WBP4: variants seen among roughly 807,000 people sequenced by gnomAD.
The protein encoded by WBP4 is WW domain-binding protein 4.
WBP4 carries 37 observed loss-of-function variants against 55.4 expected under a neutral mutation model. That is an observed-to-expected ratio of 0.67 (90% confidence interval 0.51 to 0.88). The LOEUF (loss-of-function observed/expected upper bound fraction) is 0.88. Ranked by LOEUF, WBP4 falls within the 40% of genes least tolerant of loss-of-function variation. The pLI, the probability that WBP4 is intolerant of heterozygous loss-of-function variation, is 0.00. For missense variants in WBP4, 398 were observed against 420.8 expected, an observed-to-expected ratio of 0.95 and a Z score of 0.47; for synonymous variants, 142 against 140.2, an observed-to-expected ratio of 1.01 and a Z score of -0.09.
In WBP4 at chr13:41,061,539, G is replaced by A. The variant is rs1227196185; in HGVS notation, c.-135G>A. 3 of 1,402,464 alleles carry A rather than the reference G, an allele frequency of 2.1e-6. No homozygotes were observed. The highest frequency in any genetic ancestry group is 3.0e-6 in the Non-Finnish European group (3 of 1,006,874). The allele number at this position is 1,402,464 out of a possible 1,614,324, so 86.9% of individuals were successfully genotyped here. On this transcript the variant is annotated 5_prime_UTR_variant, in exon 1 of 10. Coordinates refer to ENST00000379487, the MANE Select transcript of WBP4 (RefSeq NM_007187.5). ...TGGGAACAGCGGAACGCTGGTCCCG[G>A]GGACTGAGTAAGGTGTCTGGATCGG...
In WBP4 at chr13:41,079,754, C is replaced by A. The variant is rs184961682; in HGVS notation, c.757-892C>A. Among the ~76,000 whole-genome samples the A allele has an allele frequency of 3.9e-5, 6 of 152,236 alleles. No homozygotes were observed. In the East Asian group the frequency reaches 1.2e-3, roughly 29 times the overall value. On this transcript the variant is annotated intron_variant, in intron 8 of 9. Transcript: ENST00000379487. ...AAGAAATCATTAAACAGAAAAGATA[C>A]TTGCACTCATATATTTGTAGCAGCA... is the stretch of plus-strand genomic sequence containing the variant.
chr13:41,069,438 A>G (rs559497944), intron 5 of WBP4, among the ~76,000 whole-genome samples: 1 of 152,200 alleles, frequency 6.6e-6, no homozygotes, highest in East Asian at 1.9e-4. Context: ...TGAGATGGGC[A>G]GATCACAAGG....
rs750056162 is a variant in WBP4 at position 41,080,667 on chromosome 13, G to A, written c.778G>A (p.Gly260Arg). ...KFKEKNKNSD[G>R]GSDPETQKEK... ...TCAGGAAAAAAATAAAAATAGTGAT[G>A]GAGGAAGTGACCCAGAAACACAGAA... The change falls in exon 9 of 10, where the codon GGA becomes AGA. Residue 260 changes from glycine to arginine, a missense_variant. Transcript: ENST00000379487. 4 of 1,589,838 alleles carry A rather than the reference G, an allele frequency of 2.5e-6. No individual in the cohort carries two copies. Among genetic ancestry groups the A allele is most frequent in the South Asian group, 1.2e-5 (1 of 85,540 alleles).
chr13:41,062,234 T>A, intron 1 of WBP4: 1 of 982,932 alleles, frequency 1.0e-6, no homozygotes, highest in East Asian at 1.2e-4. Context: ...TTCCCCAGAG[T>A]AGTCTTGTAC....
chr13:41,062,107 T>TG (rs1247219291), intron 1 of WBP4: 190 of 960,240 alleles, frequency 2.0e-4, no homozygotes, highest in African/African-American at 1.4e-3. Context: ...TTTTTTTTTT[T>TG]TTTTTTTTTT....
At chr13:41,064,032 A>G (rs1877829338) in intron 2 of WBP4, among the ~76,000 whole-genome samples, 1 of 150,526 alleles carries the variant, frequency 6.6e-6, no homozygotes, top group Admixed American at 6.7e-5. Context: ...CCCTGTCCCC[A>G]GTCATCTAGT....
rs114269821 is a variant in WBP4, at chr13:41,064,973, T to A, written c.76-43T>A. On this transcript the variant is annotated intron_variant, in intron 2 of 9. Coordinates refer to ENST00000379487, the MANE Select transcript of WBP4 (RefSeq NM_007187.5). Reference sequence around the variant, plus strand: ...TATGTTTACTATGAATTTTATGATGTTTATGTAGTTTTCTTTTGTTATTTT... The same window carrying A: ...TATGTTTACTATGAATTTTATGATGATTATGTAGTTTTCTTTTGTTATTTT... 416 of 1,490,240 alleles carry A rather than the reference T, an allele frequency of 2.8e-4. 3 individuals are homozygous for A. The African/African-American group carries it at 5.5e-3, about 20-fold the overall frequency. The allele number at this position is 1,490,240 out of a possible 1,614,324, so 92.3% of individuals were successfully genotyped here. A position where few individuals can be genotyped will look rare whatever the true frequency, so the allele number is the denominator to read the frequency against.
intron 2 of WBP4, 42 bp downstream of exon 2, chr13:41,062,758 TTGAA>T (rs745817136): frequency 1.3e-6 from 2 of 1,547,528 alleles, no homozygotes; most frequent in African/African-American, 1.4e-5. Flanking sequence ...AATAATTGTG[TTGAA>T]TGAAGTGCTC....
At chr13:41,063,281 C>T (rs1327608387) in intron 2 of WBP4, among the ~76,000 whole-genome samples, 2 of 152,090 alleles carry the variant, frequency 1.3e-5, no homozygotes, top group African/African-American at 4.8e-5. Flanking sequence ...ATTTTTCTCC[C>T]CTCTTGCATG....
At chr13:41,075,143 C>T (rs1878423465) in intron 7 of WBP4, among the ~76,000 whole-genome samples, 1 of 152,080 alleles carries the variant, frequency 6.6e-6, no homozygotes, top group South Asian at 2.1e-4. Flanking sequence ...TAATTACTAA[C>T]GGCAGCCCCT....
chr13:41,065,113 G>T, intron 3 of WBP4, 35 bp downstream of exon 3: 1 of 1,600,750 alleles, frequency 6.2e-7, no homozygotes, highest in South Asian at 1.1e-5. Flanking sequence ...ATTTTTCTAT[G>T]CAAATGTCAG....
chr13:41,061,740 G>A (rs1158244486), intron 1 of WBP4, 65 bp downstream of exon 1: 5 of 1,609,096 alleles, frequency 3.1e-6, no homozygotes, highest in Non-Finnish European at 2.5e-6. Context: ...TTCTCGCCCG[G>A]GTCTTCCCCT....
chr13:41,073,772 A>C (rs770301236), intron 7 of WBP4, among the ~76,000 whole-genome samples: 18 of 152,096 alleles, frequency 1.2e-4, no homozygotes, highest in Non-Finnish European at 2.2e-4. Flanking sequence ...GCACCACTGC[A>C]CTCCAGTCTG....
Position 41,061,685 on chromosome 13 carries a change from G to A in WBP4, c.2+10G>A. The A allele has an allele frequency of 1.2e-6, 2 of 1,614,056 alleles. No homozygotes were observed. The highest frequency in any genetic ancestry group is 1.7e-6 in the Non-Finnish European group (2 of 1,180,028). The stretch of plus-strand genomic sequence containing the variant: ...CGGCTGGCGCAGTCATGTGAGTTGG[G>A]TCTCAGGCCCTGAACAACGAGGTGT... On this transcript the variant is annotated intron_variant, in intron 1 of 9. Coordinates refer to ENST00000379487, the MANE Select transcript of WBP4 (RefSeq NM_007187.5).
chr13:41,081,537 A>G (rs1028188250), intron 9 of WBP4, among the ~76,000 whole-genome samples: 5 of 150,360 alleles, frequency 3.3e-5, no homozygotes, highest in Non-Finnish European at 7.4e-5. Context: ...AACTAAATAG[A>G]TAAGCAAATA....
chr13:41,078,939 C>G (rs1196434151), intron 8 of WBP4, among the ~76,000 whole-genome samples: 1 of 151,840 alleles, frequency 6.6e-6, no homozygotes, highest in Non-Finnish European at 1.5e-5. Context: ...AAAGTAAACA[C>G]AAAAATAAAA....
intron 8 of WBP4, among the ~76,000 whole-genome samples, chr13:41,079,861 A>G (rs1646574525): frequency 6.6e-6 from 1 of 152,242 alleles, no homozygotes; most frequent in South Asian, 2.1e-4. Flanking sequence ...ATATATACAC[A>G]CGCACACACA....
intron 6 of WBP4, among the ~76,000 whole-genome samples, chr13:41,072,045 C>CAGA (rs1555285105): frequency 3.9e-5 from 2 of 50,800 alleles, no homozygotes; most frequent in African/African-American, 1.2e-4. Context: ...GACTCCGTCT[C>CAGA]AAAAAAAAAA....
rs1269893352 is a variant in WBP4 at position 41,071,586 on chromosome 13, T to C, written c.486+13T>C. 2 of 1,600,484 alleles carry C rather than the reference T, an allele frequency of 1.2e-6. No individual in the cohort carries two copies. Among genetic ancestry groups the C allele is most frequent in the African/African-American group, 1.3e-5 (1 of 74,566 alleles). Reference sequence around the variant, plus strand: ...AGACTTAAAAAAGGTAATTGAAGCATATTAATAGTGTTTTTGTTTTATTCT... The same window carrying C: ...AGACTTAAAAAAGGTAATTGAAGCACATTAATAGTGTTTTTGTTTTATTCT... On this transcript the variant is annotated intron_variant, in intron 6 of 9. Transcript: ENST00000379487.
Sources: gnomAD v4.1 joint callset for allele counts (sites outside exome capture counted in the v4.1 genomes callset) on GRCh38, gnomAD v4.1.1 for gene constraint, MANE v1.5 for transcripts, NCBI Gene and HGNC (gene_info 2026-07-23, HGNC 2026-07-21) for gene names.